Variants in PCDHA7 observed in about 807,000 individuals in gnomAD.
PCDHA7 encodes protocadherin alpha 7, also known as protocadherin alpha-7.
A neutral mutation model predicts 57.2 loss-of-function variants in PCDHA7; 37 were observed. That is an observed-to-expected ratio of 0.65 (90% confidence interval 0.50 to 0.85). The LOEUF (loss-of-function observed/expected upper bound fraction) is 0.85, where lower values mean the gene tolerates loss of function less well. Among genes scored for constraint, PCDHA7 ranks in the 40% least tolerant of loss-of-function variants. PCDHA7 has a pLI of 0.00. For missense variants in PCDHA7, 1,188 were observed against 1,241.8 expected, an observed-to-expected ratio of 0.96 and a Z score of 0.65; for synonymous variants, 553 against 558.8, an observed-to-expected ratio of 0.99 and a Z score of 0.15.
At chr5:140,941,299 TC>T (rs1554214293) in intron 1 of PCDHA7, among the ~76,000 whole-genome samples, 2 of 144,342 alleles carry the variant, frequency 1.4e-5, no homozygotes, top group African/African-American at 2.5e-5. Context: ...TTTCTTTCTT[TC>T]TTTCTTTTTC....
intron 1 of PCDHA7, among the ~76,000 whole-genome samples, chr5:140,947,744 TG>T (rs1227312993): frequency 6.6e-6 from 1 of 151,630 alleles, no homozygotes; most frequent in Non-Finnish European, 1.5e-5. Flanking sequence ...CCTATTCTTA[TG>T]TATTTTATGG....
chr5:140,870,775 A>G (rs782661485), intron 1 of PCDHA7: 3 of 1,613,592 alleles, frequency 1.9e-6, no homozygotes, highest in Non-Finnish European at 1.7e-6. Context: ...GCTGGACGAG[A>G]ACGACAACGC....
intron 1 of PCDHA7, chr5:140,927,238 G>A (rs782670286): frequency 1.2e-6 from 2 of 1,614,122 alleles, no homozygotes; most frequent in Non-Finnish European, 1.7e-6. Flanking sequence ...TCACGTCCTG[G>A]ACACCAATGA....
At chr5:140,968,190 C>A (rs782155295) in intron 1 of PCDHA7, 2 of 1,613,954 alleles carry the variant, frequency 1.2e-6, no homozygotes, top group African/African-American at 2.7e-5. Flanking sequence ...GACTCCTATT[C>A]CATCTACATA....
At chr5:140,849,973 C>T in intron 1 of PCDHA7, 1 of 1,597,728 alleles carries the variant, frequency 6.3e-7, no homozygotes. Context: ...GTGTCCTACT[C>T]GCTGGTGGAG....
intron 1 of PCDHA7, chr5:140,876,785 C>T (rs1554168921): frequency 3.1e-6 from 5 of 1,614,206 alleles, no homozygotes; most frequent in Admixed American, 1.7e-5. Flanking sequence ...CTGTGGGCCA[C>T]GGCTAGAGTG....
intron 1 of PCDHA7, chr5:140,877,907 T>G (rs2057390973): frequency 2.1e-6 from 3 of 1,433,442 alleles, no homozygotes; most frequent in Non-Finnish European, 2.8e-6. Context: ...TATAACTACA[T>G]TCTCTCATTT....
intron 1 of PCDHA7, among the ~76,000 whole-genome samples, chr5:140,889,404 G>A (rs565254911): frequency 2.0e-5 from 3 of 151,972 alleles, no homozygotes; most frequent in South Asian, 2.1e-4. Context: ...TAATTTACTC[G>A]AGTCAGTTAC....
At chr5:140,917,301 G>T (rs2078005324) in intron 1 of PCDHA7, among the ~76,000 whole-genome samples, 1 of 138,576 alleles carries the variant, frequency 7.2e-6, no homozygotes, top group Non-Finnish European at 1.5e-5. Flanking sequence ...GCAGATAGTT[G>T]TTACAATTTG....
At chr5:140,970,909 A>G (rs1356718314) in intron 1 of PCDHA7, among the ~76,000 whole-genome samples, 1 of 152,180 alleles carries the variant, frequency 6.6e-6, no homozygotes, top group African/African-American at 2.4e-5. Context: ...AGATTTATTC[A>G]TTTATCAGAA....
intron 1 of PCDHA7, chr5:140,871,112 A>C (rs1554165130): frequency 1.2e-6 from 2 of 1,613,172 alleles, no homozygotes; most frequent in Non-Finnish European, 1.7e-6. Context: ...TCGTTGGTGG[A>C]GAGCGGACAG....
At chr5:140,968,211 A>G (rs1039283745) in intron 1 of PCDHA7, 1 of 1,614,002 alleles carries the variant, frequency 6.2e-7, no homozygotes. Context: ...CAGGAGAACA[A>G]TTTGCCAGGT....
chr5:140,866,259 T>C (rs2049241676), intron 1 of PCDHA7: 1 of 152,166 alleles, frequency 6.6e-6, no homozygotes, highest in South Asian at 2.1e-4. Context: ...CCTTCTTTCT[T>C]TACTGTGAAT....
In PCDHA7 at chr5:140,855,864, G is replaced by T. The variant is rs2043653105; in HGVS notation, c.2355+19126G>T. On this transcript the variant is annotated intron_variant, in intron 1 of 3. Transcript: ENST00000525929. ...CCTAAAGCCACCGGATGTCGCTGTC[G>T]TCCACAAAATAGCTTTTTAGAACAA... 4 of 775,774 alleles carry T rather than the reference G, an allele frequency of 5.2e-6. No individual in the cohort carries two copies. The East Asian group carries it at 8.1e-5, about 16-fold the overall frequency. The allele number at this position is 775,774 out of a possible 1,614,324, so 48.1% of individuals were successfully genotyped here. A position where few individuals can be genotyped will look rare whatever the true frequency, so the allele number is the denominator to read the frequency against.
chr5:140,980,890 C>G (rs1554242450), intron 2 of PCDHA7, among the ~76,000 whole-genome samples: 1 of 152,104 alleles, frequency 6.6e-6, no homozygotes, highest in African/African-American at 2.4e-5. Flanking sequence ...TCTTTCCAGT[C>G]TTGGACATCA....
At position 140,969,365 on chromosome 5, in the gene PCDHA7, C is replaced by T. The variant is rs190730712; in HGVS notation, c.2356-9584C>T. The T allele has an allele frequency of 5.3e-5, 86 of 1,610,040 alleles. No homozygotes were observed. The African/African-American group carries it at 9.2e-4, about 17-fold the overall frequency. On this transcript the variant is annotated intron_variant, in intron 1 of 3. Transcript: ENST00000525929. ...GTGGTCAGGGGGTCTTCTACAAACT[C>T]ATGCATTTGTTACACATCCCCCAAT...
Position 140,966,485 on chromosome 5 carries a change from C to G in PCDHA7, c.2356-12464C>G, listed in dbSNP as rs564574047. 5.5e-4 allele frequency: 237 copies of G among 432,246 alleles called. 1 individual carries two copies. The highest frequency in any genetic ancestry group is 4.6e-3 in the African/African-American group (223 of 48,858). 26.8% of individuals were successfully genotyped at this position (432,246 alleles called of 1,614,324 possible). A position where few individuals can be genotyped will look rare whatever the true frequency, so the allele number is the denominator to read the frequency against. Reference sequence around the variant, plus strand: ...TCTTCCCTTCTGTTTCCTTTTCCCTCCCCCTGGAGCTGTAGCGGCAGCAGC... The same window carrying G: ...TCTTCCCTTCTGTTTCCTTTTCCCTGCCCCTGGAGCTGTAGCGGCAGCAGC... On this transcript the variant is annotated intron_variant, in intron 1 of 3. Transcript: ENST00000525929.
At chr5:140,955,623 T>C (rs2095210763) in intron 1 of PCDHA7, among the ~76,000 whole-genome samples, 1 of 152,208 alleles carries the variant, frequency 6.6e-6, no homozygotes, top group Non-Finnish European at 1.5e-5. Context: ...GGCAGTTCTT[T>C]ATAGCAGTGT....
chr5:140,928,896 A>G, intron 1 of PCDHA7: 3 of 1,614,108 alleles, frequency 1.9e-6, no homozygotes, highest in Non-Finnish European at 2.5e-6. Context: ...CAGACTTTGA[A>G]GATGTCTGGG....
Sources: gnomAD v4.1 joint callset for allele counts (sites outside exome capture counted in the v4.1 genomes callset) on GRCh38, gnomAD v4.1.1 for gene constraint, MANE v1.5 for transcripts, NCBI Gene and HGNC (gene_info 2026-07-23, HGNC 2026-07-21) for gene names.